ERBB4: variants seen among roughly 807,000 people sequenced by gnomAD.
The protein encoded by ERBB4 is receptor tyrosine-protein kinase erbB-4.
In ERBB4, 42 loss-of-function variants were observed where a neutral mutation model predicts 158.0. That is an observed-to-expected ratio of 0.27 (90% confidence interval 0.21 to 0.34). The LOEUF is 0.34. Ranked by LOEUF, ERBB4 falls within the 10% of genes least tolerant of loss-of-function variation. ERBB4 has a pLI of 1.00. For missense variants in ERBB4, 1,333 were observed against 1,624.1 expected, an observed-to-expected ratio of 0.82 and a Z score of 3.08; for synonymous variants, 583 against 558.7, an observed-to-expected ratio of 1.04 and a Z score of -0.61.
chr2:211,490,940 AGTT>A (rs1380119921), intron 20 of ERBB4, among the ~76,000 whole-genome samples: 29 of 152,032 alleles, frequency 1.9e-4, no homozygotes, highest in Admixed American at 1.9e-3. Context: ...ATGTTTCAGG[AGTT>A]GTTAATTTAA....
At chr2:211,633,590 A>G (rs921020914) in intron 16 of ERBB4, among the ~76,000 whole-genome samples, 1 of 145,756 alleles carries the variant, frequency 6.9e-6, no homozygotes, top group Admixed American at 6.9e-5. Context: ...TTTAAAGATA[A>G]TGTTTTTATA....
chr2:211,923,151 A>G (rs530731107), intron 3 of ERBB4, among the ~76,000 whole-genome samples: 123 of 152,314 alleles, frequency 8.1e-4, no homozygotes, highest in Non-Finnish European at 1.4e-3. Flanking sequence ...AGTTGGCACA[A>G]TATTTATAGG....
intron 4 of ERBB4, among the ~76,000 whole-genome samples, chr2:211,769,219 A>T (rs2075631381): frequency 6.6e-6 from 1 of 152,134 alleles, no homozygotes; most frequent in Non-Finnish European, 1.5e-5. Flanking sequence ...TAAATTCCTC[A>T]TATCCATTTG....
chr2:211,751,730 A>G (rs957522582), intron 4 of ERBB4, among the ~76,000 whole-genome samples: 7 of 152,128 alleles, frequency 4.6e-5, no homozygotes, highest in African/African-American at 1.7e-4. Context: ...TAATTCCTCA[A>G]CCAGAAAGTT....
chr2:212,278,398 T>C (rs2085626584), intron 1 of ERBB4, among the ~76,000 whole-genome samples: 1 of 151,692 alleles, frequency 6.6e-6, no homozygotes, highest in African/African-American at 2.4e-5. Context: ...AAAATGGAGA[T>C]GGATGGGTAA....
intron 3 of ERBB4, among the ~76,000 whole-genome samples, chr2:211,790,713 G>A (rs868405595): frequency 1.4e-4 from 21 of 152,012 alleles, no homozygotes; most frequent in South Asian, 1.2e-3. Flanking sequence ...GCATCTGCTA[G>A]CAATTCTGGT....
chr2:211,996,440 G>C (rs533876921), intron 2 of ERBB4, among the ~76,000 whole-genome samples: 57 of 152,008 alleles, frequency 3.7e-4, no homozygotes, highest in African/African-American at 1.3e-3. Context: ...AGCTGATAGA[G>C]TATTTATAAT....
chr2:212,059,253 C>A (rs1559411446), intron 2 of ERBB4, among the ~76,000 whole-genome samples: 1 of 152,106 alleles, frequency 6.6e-6, no homozygotes, highest in Non-Finnish European at 1.5e-5. Context: ...AGGACCTCTT[C>A]AAGGAGAACA....
intron 19 of ERBB4, among the ~76,000 whole-genome samples, chr2:211,579,922 C>T (rs564377062): frequency 2.5e-4 from 38 of 152,166 alleles, no homozygotes; most frequent in African/African-American, 6.7e-4. Flanking sequence ...ACGTAACCTA[C>T]GTAACAAACC....
At chr2:212,148,452 C>T (rs1165559154) in intron 1 of ERBB4, among the ~76,000 whole-genome samples, 2 of 152,100 alleles carry the variant, frequency 1.3e-5, no homozygotes, top group East Asian at 1.9e-4. Context: ...TATAGGATGG[C>T]ATTATTTCCC....
chr2:212,066,513 C>A (rs1559429627), intron 2 of ERBB4, among the ~76,000 whole-genome samples: 1 of 151,838 alleles, frequency 6.6e-6, no homozygotes, highest in Non-Finnish European at 1.5e-5. Context: ...TTTGAAACTT[C>A]TTGGAGTTAT....
At chr2:212,025,906 T>G (rs768931775) in intron 2 of ERBB4, among the ~76,000 whole-genome samples, 10 of 151,754 alleles carry the variant, frequency 6.6e-5, no homozygotes, top group Non-Finnish European at 1.3e-4. Flanking sequence ...TTGCTATATC[T>G]TATGTGACTC....
intron 25 of ERBB4, among the ~76,000 whole-genome samples, chr2:211,398,903 T>C (rs1354090795): frequency 6.6e-6 from 1 of 152,162 alleles, no homozygotes; most frequent in African/African-American, 2.4e-5. Flanking sequence ...ATTTGTGGCA[T>C]TGGAGGCTTT....
At chr2:212,142,248 G>A (rs1486221925) in intron 1 of ERBB4, among the ~76,000 whole-genome samples, 4 of 151,972 alleles carry the variant, frequency 2.6e-5, no homozygotes, top group African/African-American at 9.7e-5. Context: ...CATTTACCAT[G>A]TAAGCCCTAT....
At chr2:212,012,153 C>T (rs2076403800) in intron 2 of ERBB4, among the ~76,000 whole-genome samples, 1 of 152,130 alleles carries the variant, frequency 6.6e-6, no homozygotes, top group Non-Finnish European at 1.5e-5. Flanking sequence ...ATTGTCTTAT[C>T]TCTAGCCAGG....
chr2:211,467,011 A>G (rs1298446375), intron 20 of ERBB4, among the ~76,000 whole-genome samples: 1 of 152,090 alleles, frequency 6.6e-6, no homozygotes, highest in Non-Finnish European at 1.5e-5. Flanking sequence ...ATTATATTAT[A>G]TATATTACTG....
intron 3 of ERBB4, among the ~76,000 whole-genome samples, chr2:211,799,290 G>T (rs551687904): frequency 1.1e-4 from 17 of 152,254 alleles, no homozygotes; most frequent in Admixed American, 7.9e-4. Context: ...GGTCATAAGA[G>T]AATAGCCTCC....
Position 212,446,591 on chromosome 2 carries a change from GTATATATATATATATATATA to G in ERBB4, c.82+91838_82+91857del, listed in dbSNP as rs71057412. On this transcript the variant is annotated intron_variant, in intron 1 of 27. Coordinates refer to ENST00000342788, the MANE Select transcript of ERBB4 (RefSeq NM_005235.3). ...TTAATAAACTCCCATATATATATAT[GTATATATATATATATATATA>G]TATATATATATATATATATATATAT... is the stretch of plus-strand genomic sequence containing the variant. Among the ~76,000 whole-genome samples the G allele has an allele frequency of 1.9e-3, 52 of 27,518 alleles. 7 individuals are homozygous for G. Among genetic ancestry groups the G allele is most frequent in the Middle Eastern group, 0.05 (2 of 40 alleles). The allele number at this position is 27,518 out of a possible 152,430, so 18.1% of individuals were successfully genotyped here.
In ERBB4 at chr2:211,673,186, C is replaced by T. The variant is rs755861643; in HGVS notation, c.1694G>A (p.Gly565Asp). Residue 565 changes from glycine to aspartate, a missense_variant, in exon 14 of 28, where the codon GGC (glycine) becomes GAC (aspartate). Gly to Asp is a moderately conservative substitution (Grantham distance 94). This residue lies in a region of ERBB4 where 245 missense variants were observed against 247.5 expected (regional missense o/e 0.99). Coordinates refer to ENST00000342788, the MANE Select transcript of ERBB4 (RefSeq NM_005235.3). Reference protein sequence around the residue: ...CDPQCEKMEDGLLTCHGPGPD... With the variant: ...CDPQCEKMEDDLLTCHGPGPD... ...TACCGGTCCATGGCATGTGAGGAGG[C>T]CATCTTCCATCTTCTCACACTGGGG... The T allele has an allele frequency of 1.2e-6, 2 of 1,613,266 alleles. No homozygotes were observed. The highest frequency in any genetic ancestry group is 1.7e-6 in the Non-Finnish European group (2 of 1,179,312).
Sources: gnomAD v4.1 joint callset for allele counts (sites outside exome capture counted in the v4.1 genomes callset) on GRCh38, gnomAD v4.1.1 for gene constraint, gnomAD v4.1.1 regional missense constraint, MANE v1.5 for transcripts, NCBI Gene and HGNC (gene_info 2026-07-23, HGNC 2026-07-21) for gene names.